Variants in PCSK7 observed in about 807,000 individuals in gnomAD.
The protein encoded by PCSK7 is proprotein convertase subtilisin/kexin type 7, also known as lymphoma proprotein convertase.
In PCSK7, 38 loss-of-function variants were observed where a neutral mutation model predicts 73.3. The ratio of observed to expected loss-of-function variants is 0.52; its 90% confidence interval spans 0.40 to 0.68. The LOEUF is 0.68. Ranked by LOEUF, PCSK7 falls within the 30% of genes least tolerant of loss-of-function variation. The pLI, the probability that PCSK7 is intolerant of heterozygous loss-of-function variation, is 0.00. For missense variants in PCSK7, 692 were observed against 991.5 expected (o/e 0.70, Z 4.06); for synonymous variants, 296 against 383.8 (o/e 0.77, Z 2.68).
At chr11:117,214,780 C>T (rs1442454054) in intron 12 of PCSK7, 2 of 152,240 alleles carry the variant, frequency 1.3e-5, no homozygotes, top group African/African-American at 4.8e-5. Flanking sequence ...GAAGAATCAG[C>T]AGAGAGGGAA....
chr11:117,225,876 G>T, intron 6 of PCSK7, 55 bp downstream of exon 6: 1 of 1,159,946 alleles, frequency 8.6e-7, no homozygotes, highest in Non-Finnish European at 1.3e-6. Context: ...TTTTGTTGGC[G>T]GATTTGTCCC....
Position 117,205,060 on chromosome 11 carries a change from C to G in PCSK7, c.*937G>C, listed in dbSNP as rs987220460. On this transcript the variant is annotated 3_prime_UTR_variant, in exon 17 of 17. Coordinates refer to ENST00000320934, the MANE Select transcript of PCSK7 (RefSeq NM_004716.4). ...GGGAGACAGAGGAAAGGAGAGATTG[C>G]GAGTGGCAGAATTGTTTGGAAGGTT... 1 of 215,146 alleles carries G rather than the reference C, an allele frequency of 4.6e-6. No individual in the cohort carries two copies. The highest frequency in any genetic ancestry group is 2.3e-5 in the African/African-American group (1 of 44,248). The allele number at this position is 215,146 out of a possible 1,614,324, so 13.3% of individuals were successfully genotyped here.
intron 3 of PCSK7, 61 bp from the exon 4 acceptor site, chr11:117,228,411 T>G (rs1027285507): frequency 6.6e-6 from 10 of 1,513,632 alleles, no homozygotes; most frequent in Non-Finnish European, 9.2e-6. Context: ...GGAGATGAAG[T>G]TATAGCTAGC....
Position 117,219,161 on chromosome 11 carries a change from C to T in PCSK7, c.1327G>A (p.Glu443Lys). 1 of 1,605,832 alleles carries T rather than the reference C, an allele frequency of 6.2e-7. No individual in the cohort carries two copies. ...GTGACCCACTCTGCACGGCGATCCTCATACTGAAAGGACAGAGGTCCTGGT... is the reference window on the plus strand; with the variant it reads ...GTGACCCACTCTGCACGGCGATCCTTATACTGAAAGGACAGAGGTCCTGGT... ...HIIVFTATRYEDRRAEWVTNE... is the reference protein window; with the variant it reads ...HIIVFTATRYKDRRAEWVTNE... Residue 443 changes from glutamate to lysine, a missense_variant, in exon 11 of 17, where the codon GAG (glutamate) becomes AAG (lysine). Transcript: ENST00000320934.
intron 5 of PCSK7, 72 bp downstream of exon 5, chr11:117,227,085 G>A: frequency 8.2e-7 from 1 of 1,218,968 alleles, no homozygotes; most frequent in South Asian, 1.4e-5. Context: ...TTCAGAGTAG[G>A]GAGGGGTGCA....
rs200459062 is a variant in PCSK7, at chr11:117,219,214, C to T, written c.1324-50G>A. ...GTCTCTTGCATTGCCAGTGTAGTCT[C>T]AACAATCTGACTCTGGTTTCCCTGC... is the stretch of plus-strand genomic sequence containing the variant. On this transcript the variant is annotated intron_variant, in intron 10 of 16. Transcript: ENST00000320934. The T allele has an allele frequency of 3.4e-4, 452 of 1,312,684 alleles. 1 individual carries two copies. Among genetic ancestry groups the T allele is most frequent in the Admixed American group, 1.1e-3 (60 of 53,570 alleles). 81.3% of individuals were successfully genotyped at this position (1,312,684 alleles called of 1,614,324 possible). A position where few individuals can be genotyped will look rare whatever the true frequency, so the allele number is the denominator to read the frequency against.
Position 117,229,690 on chromosome 11 carries a change from G to A in PCSK7, c.155C>T (p.Pro52Leu), listed in dbSNP as rs760741031. 40 of 1,613,712 alleles carry A rather than the reference G, an allele frequency of 2.5e-5. No individual in the cohort carries two copies. The highest frequency in any genetic ancestry group is 3.1e-5 in the Non-Finnish European group (37 of 1,179,788). Reference protein sequence around the residue: ...GGPDGQGTGGPSWAVHLESLE... With the variant: ...GGPDGQGTGGLSWAVHLESLE... ...GCTTTCCAGGTGCACAGCCCAGCTCGGCCCCCCTGTGCCCTGGCCATCAGG... is the reference window on the plus strand; with the variant it reads ...GCTTTCCAGGTGCACAGCCCAGCTCAGCCCCCCTGTGCCCTGGCCATCAGG... Residue 52 changes from proline to leucine, a missense_variant, in exon 3 of 17, where the codon CCG becomes CTG. Pro to Leu is a moderately conservative substitution (Grantham distance 98). Coordinates refer to ENST00000320934, the MANE Select transcript of PCSK7 (RefSeq NM_004716.4).
chr11:117,218,295 A>C lies in PCSK7; in HGVS notation c.1534+171T>G. The C allele has an allele frequency of 3.1e-6, 1 of 317,988 alleles. No individual in the cohort carries two copies. The highest frequency in any genetic ancestry group is 5.6e-5 in the East Asian group (1 of 17,890). 19.7% of individuals were successfully genotyped at this position (317,988 alleles called of 1,614,324 possible). ...TCTTGTTTAAGCAGCTGGGGGAGCC[A>C]ACTCAGAAGCAGTAACATGTCCTAA... On this transcript the variant is annotated intron_variant, in intron 12 of 16. Transcript: ENST00000320934. This position sits in a 1 kb window ranked among gnomAD's most constrained non-coding sequence, Gnocchi z 4.0.
intron 8 of PCSK7, chr11:117,223,800 G>A: frequency 2.3e-6 from 1 of 439,848 alleles, no homozygotes; most frequent in Non-Finnish European, 4.1e-6. Context: ...GCAGGCAGAA[G>A]GTGGCCCACA....
rs2032548897 is a variant in PCSK7, at chr11:117,229,306, G to A, written c.468+71C>T. 9 of 1,173,778 alleles carry A rather than the reference G, an allele frequency of 7.7e-6. No homozygotes were observed. The Admixed American group carries it at 1.7e-4, about 22-fold the overall frequency. 72.7% of individuals were successfully genotyped at this position (1,173,778 alleles called of 1,614,324 possible). A position where few individuals can be genotyped will look rare whatever the true frequency, so the allele number is the denominator to read the frequency against. ...ATGGAGGTGACTGAAGAGTGATATA[G>A]TCAAAAGCCCATTAAAGAACTGGAC... is the stretch of plus-strand genomic sequence containing the variant. On this transcript the variant is annotated intron_variant, in intron 3 of 16. Coordinates refer to ENST00000320934, the MANE Select transcript of PCSK7 (RefSeq NM_004716.4).
Position 117,223,202 on chromosome 11 carries a change from A to G in PCSK7, c.1155+6T>C, listed in dbSNP as rs1468235145. The G allele has an allele frequency of 2.7e-5, 43 of 1,573,886 alleles. No individual in the cohort carries two copies. Among genetic ancestry groups the G allele is most frequent in the Non-Finnish European group, 3.6e-5 (41 of 1,143,654 alleles). On this transcript the variant is annotated splice_donor_region_variant and intron_variant, in intron 9 of 16. Transcript: ENST00000320934. ...GCAGGCCGTGGAGGGCCCGGGAGGC[A>G]CTCACAATGCTCCGAAGCATCTTGT...
rs373916308 is a variant in PCSK7 at position 117,219,151 on chromosome 11, C to A, written c.1337G>T (p.Arg446Leu). 6.2e-7 allele frequency: 1 copy of A among 1,608,844 alleles called. No individual in the cohort carries two copies. Among genetic ancestry groups the A allele is most frequent in the African/African-American group, 1.3e-5 (1 of 74,892 alleles). ...TGCCTCGTTGGTGACCCACTCTGCACGGCGATCCTCATACTGAAAGGACAG... is the reference window on the plus strand; with the variant it reads ...TGCCTCGTTGGTGACCCACTCTGCAAGGCGATCCTCATACTGAAAGGACAG... ...VFTATRYEDR[R>L]AEWVTNEAGF... is the part of the protein sequence containing the mutation. Residue 446 changes from arginine (R) to leucine (L), a missense_variant, in exon 11 of 17, where the codon CGT (arginine) becomes CTT (leucine). Physicochemically the swap from Arg to Leu is moderately radical, Grantham distance 102. Transcript: ENST00000320934.
In PCSK7 at chr11:117,227,326, A is replaced by C; in HGVS notation, c.604-4T>G. 1 of 1,612,616 alleles carries C rather than the reference A, an allele frequency of 6.2e-7. No homozygotes were observed. Among genetic ancestry groups the C allele is most frequent in the Admixed American group, 1.7e-5 (1 of 60,010 alleles). On this transcript the variant is annotated splice_region_variant and splice_polypyrimidine_tract_variant and intron_variant, in intron 4 of 16. Coordinates refer to ENST00000320934, the MANE Select transcript of PCSK7 (RefSeq NM_004716.4). ...GGTCATAGCTACCCTCAGGGCTCTG[A>C]AATATTTTGGAGGTGACATGTGGTC...
intron 9 of PCSK7, 68 bp from the exon 10 acceptor site, chr11:117,219,826 C>G: frequency 1.5e-6 from 2 of 1,296,948 alleles, no homozygotes; most frequent in Non-Finnish European, 2.1e-6. Flanking sequence ...TGGTGTGCAC[C>G]TATAGTCCCG....
chr11:117,219,228 T>G, intron 10 of PCSK7, 64 bp from the exon 11 acceptor site: 2 of 1,188,032 alleles, frequency 1.7e-6, no homozygotes, highest in Non-Finnish European at 2.4e-6. Flanking sequence ...AATCTGACTC[T>G]GGTTTCCCTG....
intron 12 of PCSK7, chr11:117,211,630 G>C (rs12275912): frequency 1.3e-4 from 20 of 152,202 alleles, no homozygotes; most frequent in African/African-American, 4.8e-4. Flanking sequence ...TCCTTTCACA[G>C]CAATACTTGG....
chr11:117,225,683 TAGAA>T, intron 6 of PCSK7: 1 of 540,440 alleles, frequency 1.9e-6, no homozygotes. Flanking sequence ...CTTAGGAGTT[TAGAA>T]AACAAATAAA....
intron 1 of PCSK7, among the ~76,000 whole-genome samples, chr11:117,230,849 C>A (rs768316316): frequency 6.6e-6 from 1 of 151,920 alleles, no homozygotes. Context: ...GGGGGCGAAA[C>A]GGGGAAAGCC....
intron 12 of PCSK7, chr11:117,215,407 C>CATATATACTTTT (rs1178049660): frequency 1.7e-5 from 1 of 58,798 alleles, no homozygotes; most frequent in African/African-American, 1.0e-4. Context: ...TATATATATA[C>CATATATACTTTT]TTTTTTTTTT....
Sources: gnomAD v4.1 joint callset for allele counts (sites outside exome capture counted in the v4.1 genomes callset) on GRCh38, gnomAD v4.1.1 for gene constraint, Gnocchi (gnomAD v3.1) non-coding constraint, MANE v1.5 for transcripts, NCBI Gene and HGNC (gene_info 2026-07-23, HGNC 2026-07-21) for gene names.